Variants in PLCXD3 observed in about 807,000 individuals in gnomAD.
PLCXD3 encodes phosphatidylinositol specific phospholipase C X domain containing 3, also known as PI-PLC X domain-containing protein 3.
Under a neutral mutation model 25.5 loss-of-function variants are expected in PLCXD3, and 19 were observed. That is an observed-to-expected ratio of 0.75 (90% confidence interval 0.52 to 1.09). The LOEUF (loss-of-function observed/expected upper bound fraction) is 1.09, where lower values mean the gene tolerates loss of function less well. Among genes scored for constraint, PLCXD3 ranks in the 50% least tolerant of loss-of-function variants. The probability of loss-of-function intolerance (pLI) is 0.00; values close to 1 mark genes in which losing one functional copy is unlikely to be tolerated. For synonymous variants in PLCXD3, 174 were observed against 137.6 expected, an observed-to-expected ratio of 1.26 and a Z score of -1.85; for missense variants, 411 against 388.1, an observed-to-expected ratio of 1.06 and a Z score of -0.50.
chr5:41,510,509 C>A lies in PLCXD3; in HGVS notation c.18G>T (p.Gly6=), dbSNP rs150477234. 155 of 1,613,156 alleles carry A rather than the reference C, an allele frequency of 9.6e-5. No individual in the cohort carries two copies. The East Asian group carries it at 2.4e-3, about 25-fold the overall frequency. The part of the protein sequence containing the change: MASSQ[G]KNELKLADWM... ...AGTCGGCTAATTTCAGCTCGTTTTT[C>A]CCCTGAGACGAGGCCATCGTGCCAG... The change falls in exon 1 of 3, where the codon GGG becomes GGT. Residue 6 remains glycine, a synonymous_variant. Transcript: ENST00000377801.
At chr5:41,490,842 T>G (rs997098136) in intron 1 of PLCXD3, among the ~76,000 whole-genome samples, 3 of 152,212 alleles carry the variant, frequency 2.0e-5, no homozygotes, top group African/African-American at 7.2e-5. Context: ...TTTATTAGTC[T>G]TGCTAGAAGT....
chr5:41,338,973 G>T (rs1453713478), intron 2 of PLCXD3, among the ~76,000 whole-genome samples: 1 of 152,056 alleles, frequency 6.6e-6, no homozygotes, highest in Non-Finnish European at 1.5e-5. Flanking sequence ...TATGGCCAAA[G>T]ATTATTTTGG....
chr5:41,342,028 C>A (rs1457421751), intron 2 of PLCXD3, among the ~76,000 whole-genome samples: 1 of 152,054 alleles, frequency 6.6e-6, no homozygotes, highest in Non-Finnish European at 1.5e-5. Context: ...CTAGTGAGCT[C>A]CTGCCTACTC....
intron 1 of PLCXD3, among the ~76,000 whole-genome samples, chr5:41,389,876 T>C (rs976762781): frequency 2.0e-5 from 3 of 152,176 alleles, no homozygotes; most frequent in Non-Finnish European, 4.4e-5. Flanking sequence ...GACAGTAAAA[T>C]GTATTCATTT....
intron 2 of PLCXD3, among the ~76,000 whole-genome samples, chr5:41,364,990 A>G (rs1416758464): frequency 1.3e-5 from 2 of 152,210 alleles, no homozygotes; most frequent in Non-Finnish European, 2.9e-5. Context: ...GCTAAATTTT[A>G]TTGTCAAAAT....
chr5:41,492,622 C>T (rs1748729194), intron 1 of PLCXD3, among the ~76,000 whole-genome samples: 1 of 152,250 alleles, frequency 6.6e-6, no homozygotes, highest in Admixed American at 6.5e-5. Context: ...TTCTTGGAGG[C>T]TTTGTTCGTT....
intron 1 of PLCXD3, among the ~76,000 whole-genome samples, chr5:41,415,589 T>C (rs1416393676): frequency 1.3e-5 from 2 of 152,212 alleles, no homozygotes; most frequent in African/African-American, 2.4e-5. Flanking sequence ...GCACTTATTA[T>C]GCATCCTAAT....
At chr5:41,428,837 T>C (rs1255155396) in intron 1 of PLCXD3, among the ~76,000 whole-genome samples, 5 of 152,112 alleles carry the variant, frequency 3.3e-5, no homozygotes, top group Non-Finnish European at 5.9e-5. Context: ...AAATAGATGC[T>C]GAGGAAAGGT....
chr5:41,457,711 C>T (rs1056034357), intron 1 of PLCXD3, among the ~76,000 whole-genome samples: 1 of 151,868 alleles, frequency 6.6e-6, no homozygotes, highest in African/African-American at 2.4e-5. Context: ...GAAACTTTCC[C>T]ATGGGACTAG....
At position 41,410,479 on chromosome 5, in the gene PLCXD3, T is replaced by C. The variant is rs977395620; in HGVS notation, c.104-27945A>G. 3.3e-5 allele frequency among the ~76,000 whole-genome samples: 5 copies of C among 149,810 alleles called. No homozygotes were observed. The East Asian group carries it at 9.7e-4, about 29-fold the overall frequency. The stretch of plus-strand genomic sequence containing the variant: ...GCTCCTTTTATGATTCCCTGGACCG[T>C]GAATTTCCTGTACCGGATGTCGCAA... On this transcript the variant is annotated intron_variant, in intron 1 of 2. Coordinates refer to ENST00000377801, the MANE Select transcript of PLCXD3 (RefSeq NM_001005473.3).
At chr5:41,421,644 T>C (rs1473585747) in intron 1 of PLCXD3, among the ~76,000 whole-genome samples, 2 of 152,124 alleles carry the variant, frequency 1.3e-5, no homozygotes, top group Non-Finnish European at 2.9e-5. Flanking sequence ...AAGCTTGCAG[T>C]GAGCCGAGAT....
intron 1 of PLCXD3, among the ~76,000 whole-genome samples, chr5:41,483,662 A>G (rs779558222): frequency 1.1e-4 from 16 of 152,178 alleles, no homozygotes; most frequent in Non-Finnish European, 2.1e-4. Context: ...GTGAATGTAC[A>G]TAATGCCACT....
At chr5:41,402,722 T>C (rs1746222544) in intron 1 of PLCXD3, among the ~76,000 whole-genome samples, 1 of 152,036 alleles carries the variant, frequency 6.6e-6, no homozygotes, top group Non-Finnish European at 1.5e-5. Context: ...GCTTTATATA[T>C]TTTGAAGCTC....
At chr5:41,434,091 A>G (rs1281943801) in intron 1 of PLCXD3, among the ~76,000 whole-genome samples, 1 of 152,198 alleles carries the variant, frequency 6.6e-6, no homozygotes, top group Non-Finnish European at 1.5e-5. Context: ...GGAAATGCCC[A>G]CACAGCTGCT....
rs371947044 is a variant in PLCXD3 at position 41,332,233 on chromosome 5, C to A, written c.813-18463G>T. ...AATAACCAGAATCTACAATGAACTCCAACAAATTTACAAGAAAAAAACAAA... is the reference window on the plus strand; with the variant it reads ...AATAACCAGAATCTACAATGAACTCAAACAAATTTACAAGAAAAAAACAAA... On this transcript the variant is annotated intron_variant, in intron 2 of 2. Coordinates refer to ENST00000377801, the MANE Select transcript of PLCXD3 (RefSeq NM_001005473.3). 3.6e-4 allele frequency among the ~76,000 whole-genome samples: 54 copies of A among 151,752 alleles called. 2 individuals are homozygous for A. In the South Asian group the frequency reaches 7.7e-3, roughly 22 times the overall value.
intron 1 of PLCXD3, among the ~76,000 whole-genome samples, chr5:41,443,233 AC>A (rs1747421866): frequency 6.6e-6 from 1 of 151,904 alleles, no homozygotes; most frequent in Non-Finnish European, 1.5e-5. Flanking sequence ...CTGTACCTTT[AC>A]TATGTTTAGA....
intron 1 of PLCXD3, among the ~76,000 whole-genome samples, chr5:41,390,300 C>T (rs527792437): frequency 5.0e-4 from 75 of 150,474 alleles, no homozygotes; most frequent in African/African-American, 1.8e-3. Context: ...CCATTGCTGA[C>T]AATTCTGAAC....
intron 1 of PLCXD3, among the ~76,000 whole-genome samples, chr5:41,481,090 A>G (rs1561285780): frequency 6.8e-6 from 1 of 146,294 alleles, no homozygotes; most frequent in Non-Finnish European, 1.5e-5. Context: ...GAAATAATGA[A>G]GACCTAATTT....
chr5:41,348,381 G>T (rs1022293274), intron 2 of PLCXD3, among the ~76,000 whole-genome samples: 5 of 152,120 alleles, frequency 3.3e-5, no homozygotes, highest in African/African-American at 9.7e-5. Flanking sequence ...TGTTGTTGTT[G>T]TCTTTGTATC....
Sources: gnomAD v4.1 joint callset for allele counts (sites outside exome capture counted in the v4.1 genomes callset) on GRCh38, gnomAD v4.1.1 for gene constraint, MANE v1.5 for transcripts, NCBI Gene and HGNC (gene_info 2026-07-23, HGNC 2026-07-21) for gene names.